P3H2: variants seen among roughly 807,000 people sequenced by gnomAD.
P3H2 encodes leprecan-like 1.
In P3H2, 80 loss-of-function variants were observed where a neutral mutation model predicts 87.0. The ratio of observed to expected loss-of-function variants is 0.92; its 90% CI spans 0.77 to 1.11. P3H2 has a LOEUF of 1.11. P3H2 is among the 50% of genes least tolerant of loss of function. The pLI is 0.00. For synonymous variants in P3H2, 367 were observed against 359.3 expected (o/e 1.02, Z -0.24); for missense variants, 1,001 against 923.9 (o/e 1.08, Z -1.08).
chr3:189,989,059 C>T (rs749638947), intron 3 of P3H2, 21 bp from the exon 4 acceptor site: 37 of 1,613,766 alleles, frequency 2.3e-5, no homozygotes, highest in South Asian at 1.3e-4. Flanking sequence ...AGAGCCAATA[C>T]GTGTGTTCCT....
chr3:190,004,526 G>A (rs1045569878), intron 1 of P3H2, among the ~76,000 whole-genome samples: 8 of 151,888 alleles, frequency 5.3e-5, no homozygotes, highest in Non-Finnish European at 1.2e-4. Context: ...GGGACTACAG[G>A]CGCCCGCCTC....
Position 189,986,430 on chromosome 3 carries a change from CAA to C in P3H2, c.1188+356_1188+357del, listed in dbSNP as rs529618300. ...TGAAACCCCATCTCTACTAAAAATA[CAA>C]AAAAAAATTAGCTGGGCATTGTGGC... On this transcript the variant is annotated intron_variant, in intron 6 of 14. Transcript: ENST00000319332. Among the ~76,000 whole-genome samples the C allele has an allele frequency of 5.0e-3, 757 of 150,850 alleles. 6 individuals are homozygous for C. Among genetic ancestry groups the C allele is most frequent in the African/African-American group, 0.018 (738 of 41,116 alleles).
At chr3:190,078,005 G>A (rs1395469610) in intron 1 of P3H2, among the ~76,000 whole-genome samples, 1 of 152,104 alleles carries the variant, frequency 6.6e-6, no homozygotes, top group Non-Finnish European at 1.5e-5. Flanking sequence ...GCTCCAACTG[G>A]CCCAAGGCAA....
At chr3:189,961,458 CATGAG>C (rs984818558) in intron 14 of P3H2, among the ~76,000 whole-genome samples, 61 of 152,204 alleles carry the variant, frequency 4.0e-4, no homozygotes, top group African/African-American at 1.5e-3. Context: ...TCATAATAAG[CATGAG>C]AATCGGCCAG....
intron 1 of P3H2, among the ~76,000 whole-genome samples, chr3:190,000,479 A>G (rs1447279169): frequency 2.0e-5 from 3 of 152,252 alleles, no homozygotes; most frequent in African/African-American, 7.2e-5. Context: ...TAAATAAGTA[A>G]GGAAAGTAAT....
At chr3:190,018,634 A>G (rs1724843400) in intron 1 of P3H2, among the ~76,000 whole-genome samples, 1 of 152,174 alleles carries the variant, frequency 6.6e-6, no homozygotes, top group African/African-American at 2.4e-5. Context: ...CCTTGAGCCC[A>G]GGAATTTGAG....
chr3:190,064,475 G>A (rs1290551612), intron 1 of P3H2, among the ~76,000 whole-genome samples: 3 of 152,084 alleles, frequency 2.0e-5, no homozygotes, highest in East Asian at 1.9e-4. Flanking sequence ...ATCTGAAGTC[G>A]ACAGGTTTAA....
At chr3:189,975,624 C>T (rs1477034348) in intron 8 of P3H2, among the ~76,000 whole-genome samples, 1 of 152,186 alleles carries the variant, frequency 6.6e-6, no homozygotes, top group Non-Finnish European at 1.5e-5. Context: ...GAAGGCACAA[C>T]TCCCTGCCAC....
intron 1 of P3H2, among the ~76,000 whole-genome samples, chr3:190,047,371 C>T (rs1623896): frequency 0.59 from 89,904 of 152,106 alleles, 27,965 homozygotes; most frequent in Admixed American, 0.72. Context: ...ATCTAGCAAC[C>T]GCACTGCTGA....
chr3:189,999,525 A>G (rs1291779491), intron 1 of P3H2, among the ~76,000 whole-genome samples: 1 of 152,182 alleles, frequency 6.6e-6, no homozygotes, highest in Admixed American at 6.5e-5. Context: ...ATATGATTGG[A>G]TGGAGGTTAT....
At chr3:190,007,174 T>C (rs145190933) in intron 1 of P3H2, among the ~76,000 whole-genome samples, 1 of 152,264 alleles carries the variant, frequency 6.6e-6, no homozygotes, top group Non-Finnish European at 1.5e-5. Context: ...GTGGAAACAT[T>C]AGCCTGGTTG....
intron 1 of P3H2, among the ~76,000 whole-genome samples, chr3:190,093,711 A>C (rs1727485515): frequency 6.6e-6 from 1 of 152,202 alleles, no homozygotes; most frequent in Admixed American, 6.5e-5. Context: ...TACTATTTAC[A>C]GTGTTTGTTT....
chr3:190,093,876 G>T (rs546235374), intron 1 of P3H2, among the ~76,000 whole-genome samples: 1 of 152,158 alleles, frequency 6.6e-6, no homozygotes, highest in South Asian at 2.1e-4. Context: ...AAGATTATAC[G>T]CTATAAGTTT....
Position 189,983,020 on chromosome 3 carries a change from T to C in P3H2, c.1324+26A>G, listed in dbSNP as rs1353020488. 6 of 1,557,504 alleles carry C rather than the reference T, an allele frequency of 3.9e-6. No homozygotes were observed. In the African/African-American group the frequency reaches 5.4e-5, roughly 14 times the overall value. ...CCCATCTTCCCCTTCCCCTCCTTTA[T>C]AGGGTAAAAGTGCACAGCTACTTAC... On this transcript the variant is annotated intron_variant, in intron 8 of 14. Transcript: ENST00000319332.
Position 190,044,494 on chromosome 3 carries a change from A to G in P3H2, c.481-49052T>C, listed in dbSNP as rs530414739. Among the ~76,000 whole-genome samples, 9 of 152,354 alleles carry G rather than the reference A, an allele frequency of 5.9e-5. No individual in the cohort carries two copies. In the East Asian group the frequency reaches 1.7e-3, roughly 29 times the overall value. ...GACATCTGCCTCGCTTGTGGTCCCC[A>G]GTAAGAATTCTCGACATTGATATAT... On this transcript the variant is annotated intron_variant, in intron 1 of 14. Transcript: ENST00000319332.
At chr3:190,091,841 G>C (rs545597582) in intron 1 of P3H2, among the ~76,000 whole-genome samples, 1 of 152,320 alleles carries the variant, frequency 6.6e-6, no homozygotes, top group East Asian at 1.9e-4. Context: ...ATTAAAGAAA[G>C]GGAAGAGAGA....
At chr3:190,044,247 T>C (rs1288932625) in intron 1 of P3H2, among the ~76,000 whole-genome samples, 6 of 152,200 alleles carry the variant, frequency 3.9e-5, no homozygotes, top group Non-Finnish European at 8.8e-5. Flanking sequence ...ACACGTTGTT[T>C]CCCAGATGCT....
At chr3:189,963,358 C>T (rs1560337377) in intron 14 of P3H2, 1 of 154,918 alleles carries the variant, frequency 6.5e-6, no homozygotes, top group Non-Finnish European at 1.4e-5. Flanking sequence ...TGATTCAATA[C>T]TATTTCTTAT....
intron 1 of P3H2, among the ~76,000 whole-genome samples, chr3:190,092,230 CAA>C (rs10693056): frequency 4.3e-5 from 6 of 137,932 alleles, no homozygotes; most frequent in Non-Finnish European, 7.9e-5. Flanking sequence ...GAGACTCCGT[CAA>C]AAAAAAAAAA....
Sources: allele counts gnomAD v4.1 joint callset (sites outside exome capture counted in the v4.1 genomes callset), GRCh38; gene constraint gnomAD v4.1.1; transcripts MANE v1.5; gene names NCBI Gene and HGNC (gene_info 2026-07-23, HGNC 2026-07-21).